The following MCTP2 variants were observed in gnomAD, a reference collection of about 807,000 sequenced individuals.
The protein encoded by MCTP2 is multiple C2 and transmembrane domain-containing protein 2.
MCTP2 carries 132 observed loss-of-function variants against 111.6 expected under a neutral mutation model. The ratio of observed to expected loss-of-function variants is 1.18; its 90% CI spans 1.03 to 1.37. The LOEUF is 1.37. Among genes scored for constraint, MCTP2 ranks in the 40% most tolerant of loss-of-function variants. MCTP2 has a pLI of 0.00. For missense variants in MCTP2, 1,183 were observed against 1,067.9 expected, an observed-to-expected ratio of 1.11 and a Z score of -1.50; for synonymous variants, 395 against 387.7, an observed-to-expected ratio of 1.02 and a Z score of -0.22.
At chr15:94,366,895 T>C (rs992544002) in intron 10 of MCTP2, among the ~76,000 whole-genome samples, 2 of 152,210 alleles carry the variant, frequency 1.3e-5, no homozygotes, top group Non-Finnish European at 2.9e-5. Context: ...TAAATGTGTT[T>C]GAGGTTTTCA....
At chr15:94,392,376 A>G (rs1402419606) in intron 14 of MCTP2, among the ~76,000 whole-genome samples, 1 of 151,980 alleles carries the variant, frequency 6.6e-6, no homozygotes, top group Non-Finnish European at 1.5e-5. Context: ...CATCTCAAAA[A>G]AAAAAATAGT....
chr15:94,278,902 C>T (rs1021798138), intron 1 of MCTP2, among the ~76,000 whole-genome samples: 4 of 152,110 alleles, frequency 2.6e-5, no homozygotes, highest in Non-Finnish European at 5.9e-5. Context: ...ATAGGGAGTC[C>T]TTTCTCCATT....
At chr15:94,245,384 GTATTTATATACATGTGTGTATA>G (rs61713292) in intron 1 of MCTP2, among the ~76,000 whole-genome samples, 49,873 of 129,300 alleles carry the variant, frequency 0.39, 10,007 homozygotes, top group Non-Finnish European at 0.43. Flanking sequence ...ATATGTATAT[GTATTTATATACATGTGTGTATA>G]TATTTATATA....
chr15:94,244,591 C>T (rs1342298513), intron 1 of MCTP2, among the ~76,000 whole-genome samples: 1 of 147,110 alleles, frequency 6.8e-6, no homozygotes, highest in Non-Finnish European at 1.5e-5. Context: ...CATACATATG[C>T]ACCTATGTTT....
chr15:94,294,183 A>G (rs2075156537), intron 1 of MCTP2, among the ~76,000 whole-genome samples: 2 of 152,232 alleles, frequency 1.3e-5, no homozygotes, highest in Admixed American at 6.5e-5. Context: ...GATAGAGAAT[A>G]GAACGGTGGT....
At chr15:94,402,051 G>A (rs373030835) in intron 17 of MCTP2, 32 bp downstream of exon 17, 3 of 1,602,972 alleles carry the variant, frequency 1.9e-6, no homozygotes, top group Admixed American at 1.7e-5. Flanking sequence ...CAAACTATTT[G>A]CTTCTTATTT....
chr15:94,402,138 G>A, intron 17 of MCTP2, 119 bp downstream of exon 17: 2 of 1,382,728 alleles, frequency 1.4e-6, no homozygotes, highest in Non-Finnish European at 1.9e-6. Flanking sequence ...CAGTACTTAG[G>A]TCAAATTTAC....
intron 19 of MCTP2, among the ~76,000 whole-genome samples, chr15:94,444,391 A>G (rs367670973): frequency 6.6e-6 from 1 of 152,184 alleles, no homozygotes; most frequent in African/African-American, 2.4e-5. Context: ...ATGTTTGGGC[A>G]TTGGTGTTTA....
chr15:94,346,650 G>A (rs1032188706), intron 8 of MCTP2, among the ~76,000 whole-genome samples: 2 of 152,190 alleles, frequency 1.3e-5, no homozygotes, highest in Non-Finnish European at 2.9e-5. Context: ...TAGTTAGGGA[G>A]CTTTGGTCTG....
At chr15:94,316,537 A>T (rs1256850257) in intron 4 of MCTP2, among the ~76,000 whole-genome samples, 1 of 152,234 alleles carries the variant, frequency 6.6e-6, no homozygotes, top group Non-Finnish European at 1.5e-5. Context: ...CAAGGATAGT[A>T]AGATTCACCT....
chr15:94,399,993 A>T lies in MCTP2; in HGVS notation c.1963A>T (p.Lys655Ter). Residue 655 changes from lysine (K) to a stop codon, truncating the protein, a stop_gained and splice_region_variant, in exon 16 of 23, where the codon AAG becomes TAG. Coordinates refer to ENST00000357742, the MANE Select transcript of MCTP2 (RefSeq NM_001385001.1). LOFTEE classifies it high-confidence loss of function. ...TGAAGACAGCCGCAAGCTGTCCAAA[A>T]AGGTGGGTCGCTACAGTAGGTGGCT... is the stretch of plus-strand genomic sequence containing the variant. ...FVEDSRKLSKKILSRDVDRVK... is the reference protein window; with the variant it reads ...FVEDSRKLSK 3 of 1,613,932 alleles carry T rather than the reference A, an allele frequency of 1.9e-6. No homozygotes were observed. Among genetic ancestry groups the T allele is most frequent in the South Asian group, 2.2e-5 (2 of 91,070 alleles).
chr15:94,302,530 T>TA (rs1403838626), intron 2 of MCTP2, among the ~76,000 whole-genome samples: 2 of 152,268 alleles, frequency 1.3e-5, no homozygotes, highest in Non-Finnish European at 1.5e-5. Context: ...GGTGAGAACA[T>TA]ACGCTTAGAA....
Position 94,340,250 on chromosome 15 carries a change from A to G in MCTP2, c.832A>G (p.Ile278Val), listed in dbSNP as rs759678318. 1 of 1,613,014 alleles carries G rather than the reference A, an allele frequency of 6.2e-7. No homozygotes were observed. Among genetic ancestry groups the G allele is most frequent in the Non-Finnish European group, 8.5e-7 (1 of 1,179,178 alleles). The stretch of plus-strand genomic sequence containing the variant: ...TGATTTCATGGGTTCTGCATTTGTC[A>G]TTCTCAGTGATCTTGAGCTTAACAG... ...TSDFMGSAFV[I>V]LSDLELNRTT... Residue 278 changes from isoleucine (I) to valine (V), a missense_variant, in exon 6 of 23, where the codon ATT becomes GTT. Transcript: ENST00000357742.
chr15:94,349,169 T>C (rs1348305089), intron 8 of MCTP2, among the ~76,000 whole-genome samples: 1 of 152,172 alleles, frequency 6.6e-6, no homozygotes, highest in African/African-American at 2.4e-5. Context: ...AGTATTAACC[T>C]GGACAGAATG....
In MCTP2 at chr15:94,298,188, T is replaced by G; in HGVS notation, c.-65-13T>G. 1 of 1,074,188 alleles carries G rather than the reference T, an allele frequency of 9.3e-7. No homozygotes were observed. The highest frequency in any genetic ancestry group is 1.3e-6 in the Non-Finnish European group (1 of 781,670). The allele number at this position is 1,074,188 out of a possible 1,614,324, so 66.5% of individuals were successfully genotyped here. A position where few individuals can be genotyped will look rare whatever the true frequency, so the allele number is the denominator to read the frequency against. On this transcript the variant is annotated splice_polypyrimidine_tract_variant and intron_variant, in intron 1 of 22. Transcript: ENST00000357742. The stretch of plus-strand genomic sequence containing the variant: ...TGTTTGTTTGTTTTTTGTTGTTTTT[T>G]TCTGTTTTATAGGAGTCATTGCAGT...
intron 1 of MCTP2, among the ~76,000 whole-genome samples, chr15:94,293,549 A>G (rs1368188672): frequency 6.6e-6 from 1 of 152,240 alleles, no homozygotes; most frequent in Non-Finnish European, 1.5e-5. Flanking sequence ...TTGGCCCCAG[A>G]GGGCCGGCCT....
At chr15:94,279,208 G>C (rs1245907455) in intron 1 of MCTP2, among the ~76,000 whole-genome samples, 1 of 152,196 alleles carries the variant, frequency 6.6e-6, no homozygotes, top group Non-Finnish European at 1.5e-5. Context: ...GCTTTGGGCA[G>C]TGTGATCATT....
intron 1 of MCTP2, among the ~76,000 whole-genome samples, chr15:94,245,557 T>C (rs1387408532): frequency 6.9e-6 from 1 of 143,910 alleles, no homozygotes; most frequent in Non-Finnish European, 1.5e-5. Flanking sequence ...TTTATATATG[T>C]ATACATATAT....
At chr15:94,332,495 G>C (rs930206570) in intron 4 of MCTP2, among the ~76,000 whole-genome samples, 17 of 152,234 alleles carry the variant, frequency 1.1e-4, no homozygotes, top group African/African-American at 3.1e-4. Context: ...TACTAGTTTT[G>C]TCATTGGGGT....
Sources: gnomAD v4.1 joint callset for allele counts (sites outside exome capture counted in the v4.1 genomes callset) on GRCh38, gnomAD v4.1.1 for gene constraint, MANE v1.5 for transcripts, NCBI Gene and HGNC (gene_info 2026-07-23, HGNC 2026-07-21) for gene names.